The following CCDC88A variants were observed in gnomAD, a reference collection of about 807,000 sequenced individuals.
The protein encoded by CCDC88A is coiled-coil and HOOK domain protein 88A.
A neutral mutation model predicts 234.3 loss-of-function variants in CCDC88A; 54 were observed. The observed-to-expected ratio is 0.23, with a 90% CI of 0.19 to 0.29. The LOEUF is 0.29. Ranked by LOEUF, CCDC88A falls within the 10% of genes least tolerant of loss-of-function variation. The pLI, the probability that CCDC88A is intolerant of heterozygous loss-of-function variation, is 1.00. For missense variants in CCDC88A, 1,832 were observed against 2,123.4 expected, an observed-to-expected ratio of 0.86 and a Z score of 2.70; for synonymous variants, 753 against 737.8, an observed-to-expected ratio of 1.02 and a Z score of -0.33.
intron 23 of CCDC88A, among the ~76,000 whole-genome samples, chr2:55,310,141 T>A (rs186545112): frequency 5.9e-5 from 9 of 152,330 alleles, no homozygotes; most frequent in African/African-American, 9.6e-5. Context: ...TTGAATGTTA[T>A]AGGCTGAGAG....
intron 2 of CCDC88A, among the ~76,000 whole-genome samples, chr2:55,401,892 T>TA (rs1262431769): frequency 6.6e-6 from 1 of 152,170 alleles, no homozygotes; most frequent in Non-Finnish European, 1.5e-5. Flanking sequence ...AGTAATGCTT[T>TA]AATTTAAAAA....
intron 23 of CCDC88A, among the ~76,000 whole-genome samples, chr2:55,310,163 G>A (rs1682162392): frequency 6.6e-6 from 1 of 152,128 alleles, no homozygotes; most frequent in South Asian, 2.1e-4. Flanking sequence ...AAGTAGTGAG[G>A]GAGAGTTTTT....
At chr2:55,300,112 T>C (rs569986341) in intron 28 of CCDC88A, 193 bp from the exon 29 acceptor site, 34 of 526,962 alleles carry the variant, frequency 6.5e-5, no homozygotes, top group Non-Finnish European at 1.0e-4. Flanking sequence ...TCTGAAACAA[T>C]AGTTGAGATT....
intron 29 of CCDC88A, 67 bp downstream of exon 29, chr2:55,299,772 A>G: frequency 1.9e-6 from 2 of 1,039,942 alleles, no homozygotes; most frequent in South Asian, 1.4e-5. Flanking sequence ...CAGAAACTTC[A>G]TCCCATCTCC....
chr2:55,294,314 A>T (rs1419201926), intron 31 of CCDC88A: 1 of 983,438 alleles, frequency 1.0e-6, no homozygotes, highest in South Asian at 4.7e-5. Flanking sequence ...GATGATGAAA[A>T]GTGCAGAGAA....
chr2:55,327,234 T>G (rs1684379365), intron 17 of CCDC88A, among the ~76,000 whole-genome samples: 1 of 152,144 alleles, frequency 6.6e-6, no homozygotes, highest in Admixed American at 6.5e-5. Flanking sequence ...ACTGGAACAT[T>G]CTATGTTACT....
In CCDC88A at chr2:55,369,250, G is replaced by C. The variant is rs1672471118; in HGVS notation, c.402+3202C>G. Among the ~76,000 whole-genome samples, 3 of 152,024 alleles carry C rather than the reference G, an allele frequency of 2.0e-5. No individual in the cohort carries two copies. In the South Asian group the frequency reaches 6.2e-4, roughly 32 times the overall value. ...GGGTTTCACTATGTCAGCCAGGCTGGTCTGGAACTCCTGACCTCAGGTGAT... is the reference window on the plus strand; with the variant it reads ...GGGTTTCACTATGTCAGCCAGGCTGCTCTGGAACTCCTGACCTCAGGTGAT... On this transcript the variant is annotated intron_variant, in intron 5 of 32. Transcript: ENST00000436346.
At chr2:55,394,800 A>G (rs1018273587) in intron 2 of CCDC88A, among the ~76,000 whole-genome samples, 40 of 141,830 alleles carry the variant, frequency 2.8e-4, no homozygotes, top group African/African-American at 9.7e-4. Context: ...CTAAAACTTA[A>G]AGTATAATAA....
At chr2:55,415,192 G>A (rs2045135) in intron 2 of CCDC88A, among the ~76,000 whole-genome samples, 123,387 of 151,650 alleles carry the variant, frequency 0.81, 51,089 homozygotes, top group Admixed American at 0.9. Context: ...GCGCGTGCCT[G>A]TAGTCCCAAC....
chr2:55,317,149 A>G lies in CCDC88A; in HGVS notation c.3746+57T>C. 1.4e-6 allele frequency: 1 copy of G among 698,576 alleles called. No homozygotes were observed. The highest frequency in any genetic ancestry group is 2.1e-6 in the Non-Finnish European group (1 of 486,180). The allele number at this position is 698,576 out of a possible 1,614,324, so 43.3% of individuals were successfully genotyped here. ...TTTGAAAAAACATATATATACACAT[A>G]TATATGTATATACTTTCTATATAAA... is the stretch of plus-strand genomic sequence containing the variant. On this transcript the variant is annotated intron_variant, in intron 21 of 32. Coordinates refer to ENST00000436346, the MANE Select transcript of CCDC88A (RefSeq NM_001365480.1). This position sits in a 1 kb window ranked among gnomAD's most constrained non-coding sequence, Gnocchi z 4.2.
At chr2:55,369,349 T>C (rs1021033871) in intron 5 of CCDC88A, among the ~76,000 whole-genome samples, 3 of 151,848 alleles carry the variant, frequency 2.0e-5, no homozygotes, top group South Asian at 2.1e-4. Flanking sequence ...CTGAACTCTA[T>C]CTTAAAGTGG....
chr2:55,391,494 G>A (rs1676635678), intron 2 of CCDC88A, among the ~76,000 whole-genome samples: 1 of 152,088 alleles, frequency 6.6e-6, no homozygotes, highest in South Asian at 2.1e-4. Flanking sequence ...AAAAGATCAT[G>A]GAAATAACAG....
At chr2:55,380,061 T>TAAAAAAAAA (rs57314271) in intron 3 of CCDC88A, among the ~76,000 whole-genome samples, 1 of 75,368 alleles carries the variant, frequency 1.3e-5, no homozygotes, top group Non-Finnish European at 2.3e-5. Flanking sequence ...CTGTCTCTAC[T>TAAAAAAAAA]AAAAAAAAAA....
intron 10 of CCDC88A, 116 bp from the exon 11 acceptor site, chr2:55,344,630 C>T (rs975324483): frequency 2.0e-6 from 1 of 501,952 alleles, no homozygotes; most frequent in African/African-American, 2.0e-5. Context: ...CATGAGGAAA[C>T]CTACTGAGTA....
At chr2:55,307,291 C>T (rs373157354) in intron 25 of CCDC88A, among the ~76,000 whole-genome samples, 4 of 151,298 alleles carry the variant, frequency 2.6e-5, no homozygotes, top group African/African-American at 7.3e-5. Context: ...TATTATAATG[C>T]GGTACTTCTA....
At chr2:55,378,166 C>T (rs1027246315) in intron 3 of CCDC88A, among the ~76,000 whole-genome samples, 3 of 152,178 alleles carry the variant, frequency 2.0e-5, no homozygotes, top group African/African-American at 7.2e-5. Context: ...TTTCCTCCAC[C>T]TTCTTCCTCA....
intron 23 of CCDC88A, among the ~76,000 whole-genome samples, chr2:55,311,000 T>A (rs1364468365): frequency 1.3e-5 from 2 of 152,232 alleles, no homozygotes; most frequent in Non-Finnish European, 2.9e-5. Flanking sequence ...TTAAATTCAT[T>A]AAGTCAGAAT....
chr2:55,335,356 T>C lies in CCDC88A; in HGVS notation c.1657-192A>G, dbSNP rs767127510. On this transcript the variant is annotated intron_variant, in intron 14 of 32. Coordinates refer to ENST00000436346, the MANE Select transcript of CCDC88A (RefSeq NM_001365480.1). The surrounding 1 kb of genome is among the most constrained non-coding windows in gnomAD (Gnocchi z 4.5). ...TGAGGTCATTTACTGAAGACCACTGTGTACACTTACTGTGAGGTCATTAAA... is the reference window on the plus strand; with the variant it reads ...TGAGGTCATTTACTGAAGACCACTGCGTACACTTACTGTGAGGTCATTAAA... 1.3e-5 allele frequency among the ~76,000 whole-genome samples: 1 copy of C among 74,966 alleles called. No individual in the cohort carries two copies. The highest frequency in any genetic ancestry group is 2.6e-5 in the Non-Finnish European group (1 of 38,088). 49.2% of individuals were successfully genotyped at this position (74,966 alleles called of 152,430 possible).
chr2:55,349,494 A>G, intron 9 of CCDC88A, 24 bp downstream of exon 9: 5 of 1,522,536 alleles, frequency 3.3e-6, no homozygotes, highest in Non-Finnish European at 4.5e-6. Context: ...GTGGTCCTAA[A>G]TAACAGATAT....
Sources: allele counts gnomAD v4.1 joint callset (sites outside exome capture counted in the v4.1 genomes callset), GRCh38; gene constraint gnomAD v4.1.1; non-coding constraint Gnocchi (gnomAD v3.1); transcripts MANE v1.5; gene names NCBI Gene and HGNC (gene_info 2026-07-23, HGNC 2026-07-21).